The following FAM120C variants were observed in gnomAD, a reference collection of about 807,000 sequenced individuals.
FAM120C encodes constitutive coactivator of PPAR-gamma-like protein 2.
In FAM120C, 14 loss-of-function variants were observed where a neutral mutation model predicts 71.2. That is an observed-to-expected ratio of 0.20 (90% CI 0.13 to 0.31). FAM120C has a LOEUF of 0.31. Ranked by LOEUF, FAM120C falls within the 10% of genes least tolerant of loss-of-function variation. FAM120C has a pLI of 1.00. For synonymous variants in FAM120C, 354 were observed against 353.2 expected, an observed-to-expected ratio of 1.00 and a Z score of -0.03; for missense variants, 500 against 879.0, an observed-to-expected ratio of 0.57 and a Z score of 5.45.
At chrX:54,100,705 A>C (rs1299701483) in intron 10 of FAM120C, among the ~76,000 whole-genome samples, 1 of 111,472 alleles carries the variant, frequency 9.0e-6, no homozygotes, top group African/African-American at 3.3e-5. Flanking sequence ...TACAAAACAA[A>C]AGATCTTAGA....
chrX:54,117,132 G>A (rs1312306918), intron 9 of FAM120C, among the ~76,000 whole-genome samples: 1 of 108,767 alleles, frequency 9.2e-6, no homozygotes, highest in Admixed American at 1.0e-4. Context: ...GCTGAGGCAG[G>A]AGGATCGCTT....
chrX:54,155,764 A>C (rs1029994457), intron 3 of FAM120C, among the ~76,000 whole-genome samples: 1 of 111,035 alleles, frequency 9.0e-6, no homozygotes, highest in Admixed American at 9.7e-5. Flanking sequence ...CAGGAGAAAA[A>C]GGGGGAGAAT....
chrX:54,173,855 A>G lies in FAM120C; in HGVS notation c.699+8645T>C, dbSNP rs1557136301. The G allele has an allele frequency of 1.0e-5, 3 of 287,539 alleles. No homozygotes were observed. In the East Asian group the frequency reaches 1.5e-4, roughly 15 times the overall value. The allele number at this position is 287,539 out of a possible 1,213,427, so 23.7% of individuals were successfully genotyped here. A position where few individuals can be genotyped will look rare whatever the true frequency, so the allele number is the denominator to read the frequency against. ...CCCAAACTTAGTGGCTTAAAACAAC[A>G]TTTATTATCTCATAGTATCTGTAGG... On this transcript the variant is annotated intron_variant, in intron 1 of 15. Transcript: ENST00000375180.
At chrX:54,129,206 C>T (rs1327382908) in intron 9 of FAM120C, among the ~76,000 whole-genome samples, 16 of 106,157 alleles carry the variant, frequency 1.5e-4, no homozygotes, top group Admixed American at 1.5e-3. Flanking sequence ...CGGGTGGAGA[C>T]GCTCCTCACT....
At chrX:54,113,076 C>A (rs1285569551) in intron 10 of FAM120C, among the ~76,000 whole-genome samples, 3 of 110,029 alleles carry the variant, frequency 2.7e-5, no homozygotes, top group African/African-American at 9.9e-5. Flanking sequence ...AGATTAAAGA[C>A]TGAAATGAAA....
chrX:54,135,946 G>A, intron 5 of FAM120C, among the ~76,000 whole-genome samples: 1 of 110,462 alleles, frequency 9.1e-6, no homozygotes, highest in Middle Eastern at 4.8e-3. Flanking sequence ...AGAAGCCCAA[G>A]CTAAGGAAAT....
chrX:54,129,505 G>A (rs1488047460), intron 9 of FAM120C, among the ~76,000 whole-genome samples: 24 of 107,037 alleles, frequency 2.2e-4, no homozygotes, highest in African/African-American at 6.8e-4. Flanking sequence ...ATCGGATGGA[G>A]GCCGGGCAGA....
intron 7 of FAM120C, among the ~76,000 whole-genome samples, chrX:54,134,625 T>G (rs1411114595): frequency 1.8e-5 from 2 of 112,054 alleles, no homozygotes; most frequent in Non-Finnish European, 3.8e-5. Context: ...GTGGCCTGGG[T>G]GTTTGAAAAT....
At chrX:54,078,906 T>C (rs782048185) in intron 15 of FAM120C, among the ~76,000 whole-genome samples, 1 of 109,032 alleles carries the variant, frequency 9.2e-6, no homozygotes, top group African/African-American at 3.3e-5. Context: ...GGCTCACACC[T>C]ATAATCCCAG....
chrX:54,077,144 G>A (rs1232045995), intron 15 of FAM120C, among the ~76,000 whole-genome samples: 1 of 110,731 alleles, frequency 9.0e-6, no homozygotes, highest in Non-Finnish European at 1.9e-5. Context: ...TGATACCAAG[G>A]CCTCTCTTGT....
intron 15 of FAM120C, among the ~76,000 whole-genome samples, chrX:54,076,104 C>T (rs1273432679): frequency 2.8e-5 from 3 of 108,411 alleles, no homozygotes; most frequent in African/African-American, 6.8e-5. Flanking sequence ...TTTGGGAGGC[C>T]GAGGCAGGCA....
At chrX:54,100,614 C>T (rs942501085) in intron 10 of FAM120C, among the ~76,000 whole-genome samples, 2 of 111,933 alleles carry the variant, frequency 1.8e-5, no homozygotes, top group Admixed American at 1.9e-4. Flanking sequence ...TTTGAGGCCC[C>T]AGTGAACTGC....
In FAM120C at chrX:54,073,101, T is replaced by A; in HGVS notation, c.3223A>T (p.Asn1075Tyr). 2.5e-6 allele frequency: 3 copies of A among 1,211,180 alleles called. No homozygotes were observed. The highest frequency in any genetic ancestry group is 3.4e-6 in the Non-Finnish European group (3 of 895,178). ...CNNGNRYLPMNNREKNHLQEQ... is the reference protein window; with the variant it reads ...CNNGNRYLPMYNREKNHLQEQ... Reference sequence around the variant, plus strand: ...TGTAAGTGGTTCTTCTCCCTATTATTCATAGGGAGGTAGCGGTTACCATTA... The same window carrying A: ...TGTAAGTGGTTCTTCTCCCTATTATACATAGGGAGGTAGCGGTTACCATTA... The change falls in exon 16 of 16, where the codon AAT becomes TAT. Residue 1075 changes from asparagine to tyrosine, a missense_variant. Asn to Tyr is a moderately radical substitution (Grantham distance 143). Around this residue, in one of 11 missense-constraint regions of FAM120C, gnomAD observed 85 missense variants for 96.1 expected, o/e 0.88. Coordinates refer to ENST00000375180, the MANE Select transcript of FAM120C (RefSeq NM_017848.6).
At chrX:54,107,223 A>G (rs1557124966) in intron 10 of FAM120C, among the ~76,000 whole-genome samples, 1 of 109,132 alleles carries the variant, frequency 9.2e-6, no homozygotes, top group Non-Finnish European at 1.9e-5. Context: ...CAGCCTCCCA[A>G]ATAGCTGGGA....
At chrX:54,139,545 G>A (rs2067113242) in intron 4 of FAM120C, among the ~76,000 whole-genome samples, 1 of 110,100 alleles carries the variant, frequency 9.1e-6, no homozygotes, top group Admixed American at 9.8e-5. Context: ...GTTTCACTGT[G>A]TTAGCCAGGA....
intron 10 of FAM120C, among the ~76,000 whole-genome samples, chrX:54,095,322 T>A (rs1233758658): frequency 9.2e-6 from 1 of 108,773 alleles, no homozygotes; most frequent in Non-Finnish European, 1.9e-5. Flanking sequence ...TAAATGTGCT[T>A]TAATACTCAG....
chrX:54,098,617 TTTTTA>T (rs782318843), intron 10 of FAM120C, among the ~76,000 whole-genome samples: 1 of 111,351 alleles, frequency 9.0e-6, no homozygotes, highest in Non-Finnish European at 1.9e-5. Flanking sequence ...TATATGTTCT[TTTTTA>T]TTTTATTTTA....
chrX:54,171,668 C>T (rs1308497041), intron 1 of FAM120C: 2 of 111,953 alleles, frequency 1.8e-5, no homozygotes, highest in Non-Finnish European at 3.8e-5. Flanking sequence ...AATGCTTTCA[C>T]TTCAAGTGAC....
rs782230699 is a variant in FAM120C at position 54,166,736 on chromosome X, A to G, written c.700-7120T>C. Among the ~76,000 whole-genome samples, 5 of 111,972 alleles carry G rather than the reference A, an allele frequency of 4.5e-5. No homozygotes were observed. The East Asian group carries it at 1.4e-3, about 31-fold the overall frequency. On this transcript the variant is annotated intron_variant, in intron 1 of 15. Transcript: ENST00000375180. ...GTATATATGTAAAATGTGCATATAT[A>G]TATAAAATGTATACTTATTTGCTTT... is the stretch of plus-strand genomic sequence containing the variant.
Sources: gnomAD v4.1 joint callset for allele counts (sites outside exome capture counted in the v4.1 genomes callset) on GRCh38, gnomAD v4.1.1 for gene constraint, gnomAD v4.1.1 regional missense constraint, MANE v1.5 for transcripts, NCBI Gene and HGNC (gene_info 2026-07-23, HGNC 2026-07-21) for gene names.